The following FARS2 variants were observed in gnomAD, a reference collection of about 807,000 sequenced individuals.
FARS2 encodes phenylalanine--tRNA ligase, mitochondrial.
Under a neutral mutation model 46.4 loss-of-function variants are expected in FARS2, and 40 were observed. That is an observed-to-expected ratio of 0.86 (90% CI 0.67 to 1.12). The LOEUF is 1.12. Among genes scored for constraint, FARS2 ranks in the 50% most tolerant of loss-of-function variants. The pLI, the probability that FARS2 is intolerant of heterozygous loss-of-function variation, is 0.00. For missense variants in FARS2, 513 were observed against 567.9 expected (o/e 0.90, Z 0.98); for synonymous variants, 234 against 214.9 (o/e 1.09, Z -0.78).
chr6:5,627,755 C>T (rs757402541), intron 6 of FARS2, among the ~76,000 whole-genome samples: 1 of 152,096 alleles, frequency 6.6e-6, no homozygotes, highest in Non-Finnish European at 1.5e-5. Flanking sequence ...AAAGAAATTC[C>T]ATCAACAACG....
At chr6:5,753,806 C>T (rs1428525475) in intron 6 of FARS2, among the ~76,000 whole-genome samples, 1 of 152,178 alleles carries the variant, frequency 6.6e-6, no homozygotes, top group Non-Finnish European at 1.5e-5. Flanking sequence ...ATTAAAACTT[C>T]TCATAGTTTT....
At chr6:5,465,311 CAG>C (rs754144432) in intron 4 of FARS2, among the ~76,000 whole-genome samples, 4 of 152,194 alleles carry the variant, frequency 2.6e-5, no homozygotes, top group Non-Finnish European at 4.4e-5. Context: ...AAAGTAAAAA[CAG>C]AATTCTGAGA....
intron 6 of FARS2, among the ~76,000 whole-genome samples, chr6:5,615,428 T>A (rs1230018559): frequency 2.0e-5 from 3 of 152,242 alleles, no homozygotes; most frequent in Non-Finnish European, 4.4e-5. Context: ...CTCCCCGTTC[T>A]GGGTTCTGCA....
intron 5 of FARS2, among the ~76,000 whole-genome samples, chr6:5,597,963 C>A (rs572149925): frequency 6.6e-6 from 1 of 152,052 alleles, no homozygotes; most frequent in South Asian, 2.1e-4. Context: ...ACAGTAGCTA[C>A]CCATGAAGCC....
At chr6:5,370,434 T>A (rs753254524) in intron 2 of FARS2, among the ~76,000 whole-genome samples, 5 of 152,048 alleles carry the variant, frequency 3.3e-5, no homozygotes, top group Non-Finnish European at 7.4e-5. Context: ...TTAATAAGGA[T>A]ATAGATTTAT....
At chr6:5,295,383 C>G (rs114173216) in intron 1 of FARS2, among the ~76,000 whole-genome samples, 257 of 152,082 alleles carry the variant, frequency 1.7e-3, no homozygotes, top group African/African-American at 5.9e-3. Context: ...TGGTGTTATT[C>G]TAATTTTTTT....
intron 1 of FARS2, among the ~76,000 whole-genome samples, chr6:5,326,542 C>T (rs1419446669): frequency 1.3e-5 from 2 of 152,188 alleles, no homozygotes; most frequent in Non-Finnish European, 2.9e-5. Context: ...TGGTCTCCCG[C>T]CCTGACTGGC....
At chr6:5,635,338 T>C (rs868447769) in intron 6 of FARS2, among the ~76,000 whole-genome samples, 2 of 152,238 alleles carry the variant, frequency 1.3e-5, no homozygotes, top group Non-Finnish European at 2.9e-5. Context: ...ATGCTCAAAA[T>C]AGGCACCTAG....
chr6:5,621,467 G>A (rs1000808966), intron 6 of FARS2, among the ~76,000 whole-genome samples: 2 of 152,130 alleles, frequency 1.3e-5, no homozygotes, highest in Non-Finnish European at 2.9e-5. Context: ...AACAAGGCTG[G>A]TTAAGCCTAA....
chr6:5,337,679 T>G (rs1771257932), intron 1 of FARS2, among the ~76,000 whole-genome samples: 1 of 152,206 alleles, frequency 6.6e-6, no homozygotes, highest in Non-Finnish European at 1.5e-5. Flanking sequence ...GTTCTAATAG[T>G]TCATGAGTTC....
At chr6:5,509,727 C>T (rs1162520513) in intron 4 of FARS2, among the ~76,000 whole-genome samples, 1 of 152,138 alleles carries the variant, frequency 6.6e-6, no homozygotes, top group Non-Finnish European at 1.5e-5. Context: ...GGACTGTGGT[C>T]TCTGCAGAAA....
intron 1 of FARS2, among the ~76,000 whole-genome samples, chr6:5,286,519 A>G (rs1767123074): frequency 6.6e-6 from 1 of 152,204 alleles, no homozygotes; most frequent in South Asian, 2.1e-4. Context: ...TCGGTCTCCC[A>G]GACTGCTAGG....
chr6:5,260,904 G>A, upstream of FARS2: 1 of 1,381,980 alleles, frequency 7.2e-7, no homozygotes, highest in Non-Finnish European at 9.3e-7. Flanking sequence ...ATCGCGGACG[G>A]CGCCAGGCGT....
At chr6:5,591,152 A>G (rs776396471) in intron 5 of FARS2, among the ~76,000 whole-genome samples, 3 of 152,222 alleles carry the variant, frequency 2.0e-5, no homozygotes, top group Non-Finnish European at 4.4e-5. Flanking sequence ...AATCTTAGAT[A>G]AGAAAACCCT....
At chr6:5,527,537 G>A (rs886644552) in intron 4 of FARS2, among the ~76,000 whole-genome samples, 1 of 152,188 alleles carries the variant, frequency 6.6e-6, no homozygotes, top group African/African-American at 2.4e-5. Flanking sequence ...TTTCAACAGT[G>A]TTTCCTCAAA....
intron 4 of FARS2, among the ~76,000 whole-genome samples, chr6:5,497,421 T>C (rs557792353): frequency 3.9e-5 from 6 of 152,276 alleles, no homozygotes; most frequent in Middle Eastern, 6.8e-3. Flanking sequence ...CCAGGCCTGA[T>C]GAGAATGAAA....
At position 5,323,141 on chromosome 6, in the gene FARS2, T is replaced by C. The variant is rs1770104881; in HGVS notation, c.-21-45409T>C. 3.9e-5 allele frequency among the ~76,000 whole-genome samples: 6 copies of C among 152,312 alleles called. No individual in the cohort carries two copies. In the South Asian group the frequency reaches 1.2e-3, roughly 32 times the overall value. ...AGGGGAAAATTAATTATTTTGGAAG[T>C]ACTCATCATATACTCATAGAAATAG... On this transcript the variant is annotated intron_variant, in intron 1 of 6. Transcript: ENST00000274680.
chr6:5,750,601 G>C (rs538798537), intron 6 of FARS2, among the ~76,000 whole-genome samples: 1 of 152,280 alleles, frequency 6.6e-6, no homozygotes, highest in Admixed American at 6.5e-5. Flanking sequence ...AGGAAGAAGG[G>C]ATCAATGGTA....
At chr6:5,654,929 A>G (rs1283702836) in intron 6 of FARS2, among the ~76,000 whole-genome samples, 1 of 152,214 alleles carries the variant, frequency 6.6e-6, no homozygotes, top group East Asian at 1.9e-4. Flanking sequence ...AGTTAATAGT[A>G]AATGTGTATT....
Sources: allele counts gnomAD v4.1 joint callset (sites outside exome capture counted in the v4.1 genomes callset), GRCh38; gene constraint gnomAD v4.1.1; transcripts MANE v1.5; gene names NCBI Gene and HGNC (gene_info 2026-07-23, HGNC 2026-07-21).